BRINP3: variants seen among roughly 807,000 people sequenced by gnomAD.
The protein encoded by BRINP3 is BMP/retinoic acid inducible neural specific 3.
A neutral mutation model predicts 71.0 loss-of-function variants in BRINP3; 19 were observed. That is an observed-to-expected ratio of 0.27 (90% CI 0.19 to 0.39). The LOEUF is 0.39. BRINP3 is among the 10% of genes least tolerant of loss of function. BRINP3 has a pLI of 1.00. For synonymous variants in BRINP3, 380 were observed against 337.7 expected (o/e 1.13, Z -1.37); for missense variants, 959 against 940.8 (o/e 1.02, Z -0.25).
intron 2 of BRINP3, among the ~76,000 whole-genome samples, chr1:190,354,335 C>G (rs1175223366): frequency 6.6e-6 from 1 of 151,852 alleles, no homozygotes; most frequent in Non-Finnish European, 1.5e-5. Context: ...TCTAAACAAA[C>G]TACGATGCAC....
chr1:190,190,934 G>T (rs1022522626), intron 6 of BRINP3, among the ~76,000 whole-genome samples: 1 of 152,052 alleles, frequency 6.6e-6, no homozygotes, highest in African/African-American at 2.4e-5. Flanking sequence ...AGTGAAAAAT[G>T]ATTTTTAAAT....
At chr1:190,373,790 A>G (rs1368087743) in intron 2 of BRINP3, among the ~76,000 whole-genome samples, 1 of 151,738 alleles carries the variant, frequency 6.6e-6, no homozygotes, top group Non-Finnish European at 1.5e-5. Context: ...TTGCTGCAGA[A>G]GTAATTGTGG....
intron 6 of BRINP3, among the ~76,000 whole-genome samples, chr1:190,187,248 G>A (rs1248915235): frequency 6.6e-6 from 1 of 151,960 alleles, no homozygotes; most frequent in Non-Finnish European, 1.5e-5. Context: ...CTATTAAGTT[G>A]TTTGAGTTAC....
chr1:190,311,343 C>A (rs1665502671), intron 2 of BRINP3, among the ~76,000 whole-genome samples: 1 of 151,516 alleles, frequency 6.6e-6, no homozygotes, highest in African/African-American at 2.4e-5. Flanking sequence ...TGAGCACAGA[C>A]ATGGATAAAT....
rs149034491 is a variant in BRINP3 at position 190,099,250 on chromosome 1, T to C, written c.1185-116A>G. 2.2e-4 allele frequency: 220 copies of C among 984,418 alleles called. 1 individual carries two copies. In the African/African-American group the frequency reaches 3.2e-3, roughly 14 times the overall value. The allele number at this position is 984,418 out of a possible 1,614,324, so 61.0% of individuals were successfully genotyped here. On this transcript the variant is annotated intron_variant, in intron 7 of 7. Transcript: ENST00000367462. ...TCTTCAGGTCATCTCCAGCCAGTAA[T>C]TTAAATGAAATAAAAGATTCATAGA...
At chr1:190,168,607 T>C (rs1264747053) in intron 6 of BRINP3, among the ~76,000 whole-genome samples, 1 of 152,170 alleles carries the variant, frequency 6.6e-6, no homozygotes, top group Non-Finnish European at 1.5e-5. Context: ...TAAGATCAAT[T>C]AAGACAAAAA....
chr1:190,356,709 AC>A (rs1173162067), intron 2 of BRINP3, among the ~76,000 whole-genome samples: 1 of 152,022 alleles, frequency 6.6e-6, no homozygotes, highest in Middle Eastern at 3.2e-3. Context: ...TAATCTAATT[AC>A]ATCTTCAAAG....
At chr1:190,122,750 G>A (rs1653779300) in intron 7 of BRINP3, among the ~76,000 whole-genome samples, 1 of 152,040 alleles carries the variant, frequency 6.6e-6, no homozygotes, top group Non-Finnish European at 1.5e-5. Flanking sequence ...CTTGATTTCA[G>A]AATTATATTT....
chr1:190,219,707 G>A (rs942840745), intron 6 of BRINP3, among the ~76,000 whole-genome samples: 14 of 151,762 alleles, frequency 9.2e-5, no homozygotes, highest in Admixed American at 4.6e-4. Flanking sequence ...ATGTGGTGGC[G>A]GATGTCTGTA....
intron 7 of BRINP3, among the ~76,000 whole-genome samples, chr1:190,148,639 ATAAATAAAT>A (rs1259701879): frequency 6.7e-6 from 1 of 148,410 alleles, no homozygotes; most frequent in Non-Finnish European, 1.5e-5. Flanking sequence ...AAATAAATAA[ATAAATAAAT>A]AAATTCTATC....
chr1:190,393,276 T>C (rs1218182542), intron 2 of BRINP3, among the ~76,000 whole-genome samples: 1 of 151,576 alleles, frequency 6.6e-6, no homozygotes, highest in East Asian at 1.9e-4. Context: ...CTGGGATGAT[T>C]TAAAAATTTT....
intron 2 of BRINP3, among the ~76,000 whole-genome samples, chr1:190,389,370 G>GA (rs991900263): frequency 2.6e-5 from 4 of 151,512 alleles, no homozygotes; most frequent in African/African-American, 4.8e-5. Context: ...TGAATCTCAA[G>GA]AAAAAATGAA....
chr1:190,203,782 T>TAC (rs1655238200), intron 6 of BRINP3, among the ~76,000 whole-genome samples: 2 of 98,676 alleles, frequency 2.0e-5, no homozygotes, highest in African/African-American at 8.0e-5. Context: ...TATATATATA[T>TAC]ATATATATAT....
At chr1:190,280,786 T>C (rs1662975813) in intron 3 of BRINP3, among the ~76,000 whole-genome samples, 1 of 151,944 alleles carries the variant, frequency 6.6e-6, no homozygotes, top group South Asian at 2.1e-4. Flanking sequence ...GTAACATCTA[T>C]TTCTAAATGC....
At chr1:190,385,344 T>C (rs1670819710) in intron 2 of BRINP3, among the ~76,000 whole-genome samples, 1 of 152,052 alleles carries the variant, frequency 6.6e-6, no homozygotes, top group African/African-American at 2.4e-5. Flanking sequence ...GACAAAGGGC[T>C]AATATCCAGA....
intron 2 of BRINP3, chr1:190,342,350 A>G (rs1225977354): frequency 6.9e-6 from 1 of 144,266 alleles, no homozygotes; most frequent in East Asian, 2.1e-4. Context: ...TTCTGCTTAC[A>G]TATTCATGGT....
At chr1:190,319,738 G>A (rs1465613727) in intron 2 of BRINP3, among the ~76,000 whole-genome samples, 1 of 151,962 alleles carries the variant, frequency 6.6e-6, no homozygotes, top group Non-Finnish European at 1.5e-5. Flanking sequence ...GATGATGTGT[G>A]TCAAACCATG....
At chr1:190,365,847 T>C (rs1239593194) in intron 2 of BRINP3, among the ~76,000 whole-genome samples, 1 of 140,722 alleles carries the variant, frequency 7.1e-6, no homozygotes, top group Non-Finnish European at 1.5e-5. Flanking sequence ...CACACACACA[T>C]ATATAATGTA....
intron 7 of BRINP3, among the ~76,000 whole-genome samples, chr1:190,143,363 C>T (rs1250210720): frequency 6.6e-6 from 1 of 152,116 alleles, no homozygotes; most frequent in Non-Finnish European, 1.5e-5. Flanking sequence ...TGTAATTCTC[C>T]CCAGCTTCTG....
Sources: allele counts gnomAD v4.1 joint callset (sites outside exome capture counted in the v4.1 genomes callset), GRCh38; gene constraint gnomAD v4.1.1; transcripts MANE v1.5; gene names NCBI Gene and HGNC (gene_info 2026-07-23, HGNC 2026-07-21).